Variants in ANO3 observed in about 807,000 individuals in gnomAD.
ANO3 encodes anoctamin 3, also known as anoctamin-3.
In ANO3, 99 loss-of-function variants were observed where a neutral mutation model predicts 144.8. The ratio of observed to expected loss-of-function variants is 0.68; its 90% CI spans 0.58 to 0.81. The LOEUF (loss-of-function observed/expected upper bound fraction) is 0.81, where lower values mean the gene tolerates loss of function less well. ANO3 is among the 30% of genes least tolerant of loss of function. The probability of loss-of-function intolerance (pLI) is 0.00; values close to 1 mark genes in which losing one functional copy is unlikely to be tolerated. For synonymous variants in ANO3, 414 were observed against 392.6 expected (o/e 1.05, Z -0.64); for missense variants, 905 against 1,202.2 (o/e 0.75, Z 3.66).
At chr11:26,543,047 G>A (rs429892) in intron 11 of ANO3, among the ~76,000 whole-genome samples, 100,034 of 151,866 alleles carry the variant, frequency 0.66, 33,237 homozygotes, top group East Asian at 0.83. Flanking sequence ...AGACAGTGAC[G>A]GATGAGGAAG....
At chr11:26,218,543 TC>T (rs1354892019) in intron 1 of ANO3, among the ~76,000 whole-genome samples, 4 of 152,122 alleles carry the variant, frequency 2.6e-5, no homozygotes, top group Admixed American at 2.0e-4. Flanking sequence ...GCCCTTTATG[TC>T]CCAAGCGACT....
intron 3 of ANO3, among the ~76,000 whole-genome samples, chr11:26,457,498 A>G (rs1859214295): frequency 1.3e-5 from 2 of 152,048 alleles, no homozygotes; most frequent in Admixed American, 6.6e-5. Context: ...CAGTACTCAA[A>G]TTGTGAATTG....
chr11:26,376,656 TAAA>T (rs3061028), intron 1 of ANO3, among the ~76,000 whole-genome samples: 2 of 147,258 alleles, frequency 1.4e-5, no homozygotes, highest in African/African-American at 2.5e-5. Flanking sequence ...AAAAGTTGAG[TAAA>T]AAAAAAAAAG....
intron 5 of ANO3, among the ~76,000 whole-genome samples, chr11:26,513,170 G>T (rs1405242397): frequency 2.0e-5 from 3 of 152,196 alleles, no homozygotes; most frequent in Admixed American, 6.5e-5. Context: ...TAGTAGCAGA[G>T]GAGGTATGGG....
In ANO3 at chr11:26,632,735, A is replaced by C. The variant is rs79189179; in HGVS notation, c.1874-1469A>C. 1.0e-2 allele frequency among the ~76,000 whole-genome samples: 1,515 copies of C among 152,104 alleles called. 37 individuals carry two copies. Among genetic ancestry groups the C allele is most frequent in the African/African-American group, 0.035 (1,445 of 41,488 alleles). On this transcript the variant is annotated intron_variant, in intron 18 of 26. Transcript: ENST00000256737. ...ACAATTTAGCCACAAATGACATCAC[A>C]ACTTTTTGCCTCAAAGCAGAAATCA...
chr11:26,265,196 G>T (rs1853282977), intron 1 of ANO3, among the ~76,000 whole-genome samples: 1 of 152,024 alleles, frequency 6.6e-6, no homozygotes. Flanking sequence ...ACTAACTTTA[G>T]CATCATCCTC....
At chr11:26,424,223 T>C (rs1286859861) in intron 1 of ANO3, among the ~76,000 whole-genome samples, 1 of 99,712 alleles carries the variant, frequency 1.0e-5, no homozygotes, top group Non-Finnish European at 2.1e-5. Context: ...CTTTTATACA[T>C]GTTATTATCT....
rs147382804 is a variant in ANO3, at chr11:26,338,919, G to A, written c.46+6598G>A. Among the ~76,000 whole-genome samples, 1,170 of 152,254 alleles carry A rather than the reference G, an allele frequency of 7.7e-3. 11 individuals carry two copies. Among genetic ancestry groups the A allele is most frequent in the Non-Finnish European group, 0.013 (873 of 68,014 alleles). ...CCGCGGCTTCATTCTTGAAGTCAGC[G>A]AGACCAAGAACCCACTGGAAGGAAT... On this transcript the variant is annotated intron_variant, in intron 1 of 26. Transcript: ENST00000256737.
At chr11:26,227,999 C>G (rs1470754251) in intron 1 of ANO3, among the ~76,000 whole-genome samples, 1 of 152,122 alleles carries the variant, frequency 6.6e-6, no homozygotes, top group Non-Finnish European at 1.5e-5. Flanking sequence ...TTACTTGGTT[C>G]AATACAGGTA....
chr11:26,598,430 G>A lies in ANO3; in HGVS notation c.1513G>A (p.Glu505Lys). ...SILTYTWDLI[E>K]WEEEEETLRP... ...ACTGACCTATACTTGGGACCTTATCGAATGGGAAGAAGAGGAGGTAAGATG... is the reference window on the plus strand; with the variant it reads ...ACTGACCTATACTTGGGACCTTATCAAATGGGAAGAAGAGGAGGTAAGATG... Residue 505 changes from glutamate to lysine, a missense_variant, in exon 15 of 27, where the codon GAA becomes AAA. Glu to Lys is a moderately conservative substitution (Grantham distance 56). This residue lies in a region of ANO3 where 597 missense variants were observed against 865.1 expected (regional missense o/e 0.69). Transcript: ENST00000256737. 1.3e-6 allele frequency: 2 copies of A among 1,588,204 alleles called. No individual in the cohort carries two copies. The highest frequency in any genetic ancestry group is 1.7e-6 in the Non-Finnish European group (2 of 1,167,894).
chr11:26,564,779 A>T (rs563237530), intron 14 of ANO3, among the ~76,000 whole-genome samples: 3,750 of 102,860 alleles, frequency 0.036, 244 homozygotes, highest in Non-Finnish European at 0.058. Flanking sequence ...ATATATATAT[A>T]TATATAAGTT....
chr11:26,526,132 T>G (rs1849157239), intron 7 of ANO3, among the ~76,000 whole-genome samples: 1 of 152,128 alleles, frequency 6.6e-6, no homozygotes, highest in Admixed American at 6.6e-5. Context: ...ATGTACCGTC[T>G]TTTGAATTGC....
intron 1 of ANO3, among the ~76,000 whole-genome samples, chr11:26,425,045 C>A (rs1347309915): frequency 4.6e-5 from 7 of 151,294 alleles, no homozygotes; most frequent in Non-Finnish European, 5.9e-5. Flanking sequence ...CCCCACCCCA[C>A]AAGAGGCCCC....
At chr11:26,310,450 G>A (rs1374143625) in intron 1 of ANO3, among the ~76,000 whole-genome samples, 1 of 152,184 alleles carries the variant, frequency 6.6e-6, no homozygotes, top group African/African-American at 2.4e-5. Flanking sequence ...GGCCATACTT[G>A]CAGGAGAATT....
chr11:26,497,979 A>G (rs1861035083), intron 4 of ANO3, among the ~76,000 whole-genome samples: 2 of 151,858 alleles, frequency 1.3e-5, no homozygotes, highest in African/African-American at 4.8e-5. Context: ...ATAACTACAG[A>G]TTGGGTTTAA....
chr11:26,332,438 T>G, intron 1 of ANO3, 117 bp downstream of exon 1: 6 of 849,114 alleles, frequency 7.1e-6, no homozygotes, highest in African/African-American at 4.1e-5. Context: ...GGGAACTCTG[T>G]GAAGTTAAAA....
intron 4 of ANO3, among the ~76,000 whole-genome samples, chr11:26,487,637 T>C (rs1475849760): frequency 2.0e-5 from 3 of 152,026 alleles, no homozygotes; most frequent in Non-Finnish European, 2.9e-5. Context: ...AAAATGCCGA[T>C]AGTGATATGA....
At chr11:26,597,680 T>C (rs1851676071) in intron 14 of ANO3, among the ~76,000 whole-genome samples, 1 of 152,222 alleles carries the variant, frequency 6.6e-6, no homozygotes, top group South Asian at 2.1e-4. Flanking sequence ...GTTGCCCCAG[T>C]ACCACAGATT....
chr11:26,592,585 A>G (rs1851485418), intron 14 of ANO3, among the ~76,000 whole-genome samples: 1 of 149,134 alleles, frequency 6.7e-6, no homozygotes, highest in Non-Finnish European at 1.5e-5. Context: ...TGTGGGTAAA[A>G]TCTAGTTGCC....
Sources: allele counts gnomAD v4.1 joint callset (sites outside exome capture counted in the v4.1 genomes callset), GRCh38; gene constraint gnomAD v4.1.1; regional missense constraint gnomAD v4.1.1; transcripts MANE v1.5; gene names NCBI Gene and HGNC (gene_info 2026-07-23, HGNC 2026-07-21).